PAXIP1: variants seen among roughly 807,000 people sequenced by gnomAD.
PAXIP1 encodes PAX-interacting protein 1.
In PAXIP1, 19 loss-of-function variants were observed where a neutral mutation model predicts 140.6. The ratio of observed to expected loss-of-function variants is 0.14; its 90% CI spans 0.09 to 0.20. PAXIP1 has a LOEUF of 0.20. Among genes scored for constraint, PAXIP1 ranks in the 10% least tolerant of loss-of-function variants. PAXIP1 has a pLI of 1.00. For synonymous variants in PAXIP1, 442 were observed against 444.6 expected (o/e 0.99, Z 0.07); for missense variants, 920 against 1,208.6 (o/e 0.76, Z 3.54).
At chr7:154,994,792 C>T (rs1217385563) in intron 2 of PAXIP1, among the ~76,000 whole-genome samples, 1 of 152,064 alleles carries the variant, frequency 6.6e-6, no homozygotes, top group African/African-American at 2.4e-5. Context: ...GGCAGCTGTG[C>T]CTGGGATAAT....
rs552636867 is a variant in PAXIP1 at position 154,986,019 on chromosome 7, A to G, written c.325-2687T>C. ...TTGACCTATTCCCCAAAACCTACCC[A>G]GCACATTACAACAGAGGCCTCAGCC... is the stretch of plus-strand genomic sequence containing the variant. On this transcript the variant is annotated intron_variant, in intron 4 of 20. Transcript: ENST00000404141. This position sits in a 1 kb window ranked among gnomAD's most constrained non-coding sequence, Gnocchi z 4.8. The G allele has an allele frequency of 2.2e-6, 3 of 1,365,686 alleles. No individual in the cohort carries two copies. The highest frequency in any genetic ancestry group is 1.9e-5 in the Admixed American group (1 of 52,506). 84.6% of individuals were successfully genotyped at this position (1,365,686 alleles called of 1,614,324 possible). A position where few individuals can be genotyped will look rare whatever the true frequency, so the allele number is the denominator to read the frequency against.
intron 4 of PAXIP1, among the ~76,000 whole-genome samples, chr7:154,988,073 C>G (rs1039231805): frequency 6.6e-6 from 1 of 152,154 alleles, no homozygotes; most frequent in Non-Finnish European, 1.5e-5. Flanking sequence ...CCTACTTTAC[C>G]CAGTTCAAAC....
chr7:154,989,740 G>A (rs1810237589), intron 4 of PAXIP1, among the ~76,000 whole-genome samples: 1 of 152,074 alleles, frequency 6.6e-6, no homozygotes, highest in African/African-American at 2.4e-5. Flanking sequence ...TAACATTTTG[G>A]TTTCTCATTT....
At chr7:154,975,175 A>C (rs1480924060) in intron 6 of PAXIP1, among the ~76,000 whole-genome samples, 1 of 148,440 alleles carries the variant, frequency 6.7e-6, no homozygotes, top group Non-Finnish European at 1.5e-5. Flanking sequence ...AAAAAAAAAC[A>C]AAAACAAAAC....
At chr7:154,977,645 A>C (rs893320275) in intron 5 of PAXIP1, among the ~76,000 whole-genome samples, 2 of 152,232 alleles carry the variant, frequency 1.3e-5, no homozygotes, top group African/African-American at 4.8e-5. Context: ...CATGAATAAG[A>C]AGCTAAGCAA....
At chr7:154,948,573 T>A (rs1808109806) in intron 16 of PAXIP1, 1 of 150,498 alleles carries the variant, frequency 6.6e-6, no homozygotes, top group Admixed American at 6.6e-5. Flanking sequence ...TTTTTTTTTT[T>A]AACAACAAAA....
Position 154,975,975 on chromosome 7 carries a change from G to C in PAXIP1, c.795C>G (p.Asn265Lys). The C allele has an allele frequency of 6.2e-7, 1 of 1,613,736 alleles. No homozygotes were observed. The highest frequency in any genetic ancestry group is 8.5e-7 in the Non-Finnish European group (1 of 1,179,764). Residue 265 changes from asparagine (N) to lysine (K), a missense_variant, in exon 6 of 21, where the codon AAC (asparagine) becomes AAG (lysine). By Grantham distance (94) the Asn-to-Lys change is moderately conservative. Coordinates refer to ENST00000404141, the MANE Select transcript of PAXIP1 (RefSeq NM_007349.4). ...SSPEKQERNL[N>K]WTPAEVPQLA... ...ACTGTGGGACTTCGGCCGGGGTCCA[G>C]TTTAAATTTCTCTCCTGTTTTTCCG...
rs1273558091 is a variant in PAXIP1, at chr7:154,954,062, T to C, written c.2821+193A>G. Among the ~76,000 whole-genome samples, 6 of 152,112 alleles carry C rather than the reference T, an allele frequency of 3.9e-5. No homozygotes were observed. In the South Asian group the frequency reaches 1.2e-3, roughly 32 times the overall value. The stretch of plus-strand genomic sequence containing the variant: ...TAATATTGTCCAATTTACCAAAACT[T>C]TTACACCTAGGGTAAAATGCAAAGA... On this transcript the variant is annotated intron_variant, in intron 16 of 20. Coordinates refer to ENST00000404141, the MANE Select transcript of PAXIP1 (RefSeq NM_007349.4). The surrounding 1 kb of genome is among the most constrained non-coding windows in gnomAD (Gnocchi z 5.1).
intron 4 of PAXIP1, among the ~76,000 whole-genome samples, chr7:154,984,259 T>C (rs1203221719): frequency 6.6e-6 from 1 of 152,082 alleles, no homozygotes; most frequent in Admixed American, 6.5e-5. Context: ...CTAAAAAAAA[T>C]GAAATTTTAG....
Position 154,973,128 on chromosome 7 carries a change from G to A in PAXIP1, c.1074+2568C>T, listed in dbSNP as rs1010793088. Among the ~76,000 whole-genome samples, 18 of 152,114 alleles carry A rather than the reference G, an allele frequency of 1.2e-4. No homozygotes were observed. Among genetic ancestry groups the A allele is most frequent in the African/African-American group, 4.3e-4 (18 of 41,436 alleles). ...ACTCGGCTGACCCCAGCGCTCTCAT[G>A]GGCACCCACCTGGACAATCCCTGGC... On this transcript the variant is annotated intron_variant, in intron 6 of 20. Coordinates refer to ENST00000404141, the MANE Select transcript of PAXIP1 (RefSeq NM_007349.4). The surrounding 1 kb of genome is among the most constrained non-coding windows in gnomAD (Gnocchi z 4.0).
At chr7:154,945,759 T>C (rs1338021228) in intron 20 of PAXIP1, 35 of 985,182 alleles carry the variant, frequency 3.6e-5, no homozygotes, top group Non-Finnish European at 4.0e-5. Flanking sequence ...GCTTCACTGA[T>C]AGGCTGTTCC....
chr7:154,981,991 C>CCA (rs1204937122), intron 5 of PAXIP1, among the ~76,000 whole-genome samples: 1 of 152,062 alleles, frequency 6.6e-6, no homozygotes, highest in African/African-American at 2.4e-5. Flanking sequence ...TTTGACAAAC[C>CCA]CACTCTGTTC....
rs565982102 is a variant in PAXIP1 at position 154,954,262 on chromosome 7, C to T, written c.2814G>A (p.Lys938=). The T allele has an allele frequency of 1.2e-4, 183 of 1,538,418 alleles. No individual in the cohort carries two copies. The highest frequency in any genetic ancestry group is 2.5e-4 in the South Asian group (21 of 82,950). ...ACTGGCGCTGCTCCTTACCAATGAACTTCTGACACCTGAAGCATTCTTCCA... is the reference window on the plus strand; with the variant it reads ...ACTGGCGCTGCTCCTTACCAATGAATTTCTGACACCTGAAGCATTCTTCCA... ...EWLEECFRCQ[K]FIDEQNYILR... The change falls in exon 16 of 21, where the codon AAG becomes AAA. Residue 938 remains lysine (K), a synonymous_variant. Coordinates refer to ENST00000404141, the MANE Select transcript of PAXIP1 (RefSeq NM_007349.4). The surrounding 1 kb of genome is among the most constrained non-coding windows in gnomAD (Gnocchi z 5.1).
chr7:154,953,399 C>T (rs944795205), intron 16 of PAXIP1, among the ~76,000 whole-genome samples: 1 of 152,160 alleles, frequency 6.6e-6, no homozygotes, highest in Non-Finnish European at 1.5e-5. Context: ...AGCCAGGGAG[C>T]TCAGTTTTAG....
chr7:154,962,600 G>A, intron 9 of PAXIP1, 142 bp from the exon 10 acceptor site: 1 of 649,776 alleles, frequency 1.5e-6, no homozygotes, highest in Non-Finnish European at 2.5e-6. Context: ...CTTGATTAAA[G>A]TAACGAATTA....
intron 5 of PAXIP1, among the ~76,000 whole-genome samples, chr7:154,978,128 A>T (rs1809685972): frequency 1.3e-5 from 2 of 152,234 alleles, no homozygotes. Context: ...CATAATTATC[A>T]TAGCAGCACA....
At chr7:154,961,701 C>A (rs1808761786) in intron 10 of PAXIP1, 53 bp from the exon 11 acceptor site, 1 of 1,440,810 alleles carries the variant, frequency 6.9e-7, no homozygotes, top group African/African-American at 1.4e-5. Flanking sequence ...AAAACCAAAA[C>A]CAAGTACTAT....
intron 5 of PAXIP1, among the ~76,000 whole-genome samples, chr7:154,977,298 T>C (rs528655536): frequency 6.6e-6 from 1 of 152,372 alleles, no homozygotes; most frequent in South Asian, 2.1e-4. Flanking sequence ...TAAATTTGGC[T>C]GTGCTCCTAA....
rs560112578 is a variant in PAXIP1 at position 154,997,313 on chromosome 7, T to C, written c.216+1337A>G. ...CTGGAGTACAGTAGCTATTCACAGG[T>C]GTGATCACAGTGCATGGCAGCCTTG... is the stretch of plus-strand genomic sequence containing the variant. On this transcript the variant is annotated intron_variant, in intron 2 of 20. Transcript: ENST00000404141. Among the ~76,000 whole-genome samples the C allele has an allele frequency of 2.6e-5, 4 of 152,302 alleles. No individual in the cohort carries two copies. The South Asian group carries it at 6.2e-4, about 24-fold the overall frequency.
Sources: allele counts gnomAD v4.1 joint callset (sites outside exome capture counted in the v4.1 genomes callset), GRCh38; gene constraint gnomAD v4.1.1; non-coding constraint Gnocchi (gnomAD v3.1); transcripts MANE v1.5; gene names NCBI Gene and HGNC (gene_info 2026-07-23, HGNC 2026-07-21).